STAG1: variants seen among roughly 807,000 people sequenced by gnomAD.
STAG1 encodes STAG1 cohesin complex component.
Under a neutral mutation model 170.9 loss-of-function variants are expected in STAG1, and 26 were observed. The ratio of observed to expected loss-of-function variants is 0.15; its 90% CI spans 0.11 to 0.21. The LOEUF is 0.21. Ranked by LOEUF, STAG1 falls within the 10% of genes least tolerant of loss-of-function variation. STAG1 has a pLI of 1.00. For synonymous variants in STAG1, 514 were observed against 497.7 expected (o/e 1.03, Z -0.44); for missense variants, 964 against 1,509.5 (o/e 0.64, Z 5.99).
intron 1 of STAG1, among the ~76,000 whole-genome samples, chr3:136,665,860 G>A (rs1471392267): frequency 1.3e-5 from 2 of 150,804 alleles, no homozygotes; most frequent in Non-Finnish European, 3.0e-5. Context: ...CAGATCATGA[G>A]GTCAGGAGAT....
intron 4 of STAG1, among the ~76,000 whole-genome samples, chr3:136,571,325 T>C (rs1937259485): frequency 6.6e-6 from 1 of 152,094 alleles, no homozygotes; most frequent in Non-Finnish European, 1.5e-5. Context: ...TCTCAGCACT[T>C]TGGGAGACCA....
rs531921042 is a variant in STAG1, at chr3:136,588,426, C to T, written c.297+15883G>A. Among the ~76,000 whole-genome samples the T allele has an allele frequency of 3.9e-5, 6 of 152,206 alleles. No homozygotes were observed. The South Asian group carries it at 6.2e-4, about 16-fold the overall frequency. On this transcript the variant is annotated intron_variant, in intron 4 of 33. Coordinates refer to ENST00000383202, the MANE Select transcript of STAG1 (RefSeq NM_005862.3). ...CTCGATCTCGGCTCACTGCAACTTC[C>T]ACCTCCCAGATTCAGGCAATCCTCC...
chr3:136,475,064 G>GACTTCTCC (rs2089713893), intron 10 of STAG1, among the ~76,000 whole-genome samples: 1 of 150,554 alleles, frequency 6.6e-6, no homozygotes, highest in Non-Finnish European at 1.5e-5. Context: ...GTTGAGATTA[G>GACTTCTCC]ACTTCTCCTG....
At chr3:136,713,754 G>T (rs1943448507) in intron 1 of STAG1, among the ~76,000 whole-genome samples, 1 of 152,012 alleles carries the variant, frequency 6.6e-6, no homozygotes, top group Non-Finnish European at 1.5e-5. Context: ...TGGGCGCTGT[G>T]GCTCAAGCCT....
chr3:136,366,386 A>T (rs1937074443), intron 25 of STAG1, among the ~76,000 whole-genome samples: 1 of 152,140 alleles, frequency 6.6e-6, no homozygotes, highest in Non-Finnish European at 1.5e-5. Flanking sequence ...GTTAACTCTT[A>T]ATCTGTAAGC....
intron 1 of STAG1, among the ~76,000 whole-genome samples, chr3:136,648,392 T>C (rs1941103995): frequency 6.6e-6 from 1 of 152,202 alleles, no homozygotes; most frequent in Non-Finnish European, 1.5e-5. Context: ...AGTAAAAAGG[T>C]TGTTAACATT....
At chr3:136,404,863 A>ATATG (rs3219879) in intron 21 of STAG1, among the ~76,000 whole-genome samples, 1 of 148,908 alleles carries the variant, frequency 6.7e-6, no homozygotes, top group Admixed American at 6.7e-5. Context: ...TTATGCATAT[A>ATATG]TGTGTGTGTG....
Position 136,417,874 on chromosome 3 carries a change from T to C in STAG1, c.2196+11A>G, listed in dbSNP as rs1358726928. On this transcript the variant is annotated intron_variant, in intron 21 of 33. Transcript: ENST00000383202. ...TAGAGTCATACAGAAGGAATACCAA[T>C]AAACTCCTACCTGTTCTGGCATGGC... 2 of 1,607,260 alleles carry C rather than the reference T, an allele frequency of 1.2e-6. No individual in the cohort carries two copies. Among genetic ancestry groups the C allele is most frequent in the African/African-American group, 2.7e-5 (2 of 74,782 alleles).
At chr3:136,600,654 C>T (rs923542387) in intron 4 of STAG1, among the ~76,000 whole-genome samples, 1 of 152,102 alleles carries the variant, frequency 6.6e-6, no homozygotes, top group Non-Finnish European at 1.5e-5. Flanking sequence ...GCCTCAGCCT[C>T]CTGAGTAGCT....
chr3:136,408,980 C>A (rs1259418971), intron 21 of STAG1, among the ~76,000 whole-genome samples: 1 of 152,010 alleles, frequency 6.6e-6, no homozygotes, highest in Non-Finnish European at 1.5e-5. Flanking sequence ...AATAGTAAGT[C>A]ACAAGCCAGG....
chr3:136,390,427 C>A (rs1308869277), intron 22 of STAG1, among the ~76,000 whole-genome samples: 2 of 152,080 alleles, frequency 1.3e-5, no homozygotes, highest in Non-Finnish European at 2.9e-5. Context: ...GGATATTAAA[C>A]AAGACCTGTA....
intron 1 of STAG1, among the ~76,000 whole-genome samples, chr3:136,719,616 T>G (rs1933090391): frequency 1.1e-5 from 1 of 90,662 alleles, no homozygotes; most frequent in Admixed American, 1.4e-4. Flanking sequence ...GGTGGGTGGG[T>G]AGGTGGGTGG....
chr3:136,423,152 A>T (rs1341522077), intron 16 of STAG1, 108 bp from the exon 17 acceptor site: 1 of 673,344 alleles, frequency 1.5e-6, no homozygotes, highest in African/African-American at 1.8e-5. Context: ...AAATTTTAAG[A>T]GAAACTTAAT....
chr3:136,389,048 G>A (rs181055555), intron 22 of STAG1, among the ~76,000 whole-genome samples: 1 of 151,726 alleles, frequency 6.6e-6, no homozygotes, highest in East Asian at 1.9e-4. Flanking sequence ...CTCCTGCCTC[G>A]GCCTCCCAAA....
chr3:136,363,910 C>A (rs375205974), intron 25 of STAG1, among the ~76,000 whole-genome samples: 2 of 151,966 alleles, frequency 1.3e-5, no homozygotes, highest in South Asian at 4.2e-4. Context: ...TGTGCCACCA[C>A]GCCTGGCTAA....
intron 4 of STAG1, among the ~76,000 whole-genome samples, chr3:136,576,743 A>T (rs1175392259): frequency 6.6e-6 from 1 of 152,206 alleles, no homozygotes; most frequent in Non-Finnish European, 1.5e-5. Flanking sequence ...AAATCAATTC[A>T]ATCTAGATAT....
chr3:136,505,104 TTTAA>T (rs765004984), intron 7 of STAG1, among the ~76,000 whole-genome samples: 8 of 152,308 alleles, frequency 5.3e-5, no homozygotes, highest in Non-Finnish European at 8.8e-5. Flanking sequence ...ATTATGATGT[TTTAA>T]TTGAGTCCAC....
At chr3:136,341,688 T>C (rs979819899) in intron 30 of STAG1, 137 bp from the exon 31 acceptor site, 3 of 612,984 alleles carry the variant, frequency 4.9e-6, no homozygotes, top group Admixed American at 3.0e-5. Context: ...GGTGCCTTTT[T>C]ATAAAAAAGG....
intron 1 of STAG1, among the ~76,000 whole-genome samples, chr3:136,660,962 T>C (rs1370092365): frequency 1.6e-4 from 25 of 152,120 alleles, no homozygotes; most frequent in Non-Finnish European, 7.4e-5. Flanking sequence ...AGCGAGACCC[T>C]GTCTCAAGAA....
Sources: allele counts gnomAD v4.1 joint callset (sites outside exome capture counted in the v4.1 genomes callset), GRCh38; gene constraint gnomAD v4.1.1; transcripts MANE v1.5; gene names NCBI Gene and HGNC (gene_info 2026-07-23, HGNC 2026-07-21).